The following NEB variants were observed in gnomAD, a reference collection of about 807,000 sequenced individuals.
NEB encodes nemaline myopathy type 2.
Under a neutral mutation model 952.2 loss-of-function variants are expected in NEB, and 512 were observed. That is an observed-to-expected ratio of 0.54 (90% CI 0.50 to 0.58). The LOEUF (loss-of-function observed/expected upper bound fraction) is 0.58, where lower values mean the gene tolerates loss of function less well. Ranked by LOEUF, NEB falls within the 20% of genes least tolerant of loss-of-function variation. The pLI is 0.00. For missense variants in NEB, 8,428 were observed against 9,231.1 expected (o/e 0.91, Z 3.56); for synonymous variants, 2,900 against 3,149.8 (o/e 0.92, Z 2.66).
chr2:151,643,899 C>T lies in NEB; in HGVS notation c.7875G>A (p.Lys2625=), dbSNP rs577894144. 144 of 1,613,992 alleles carry T rather than the reference C, an allele frequency of 8.9e-5. No individual in the cohort carries two copies. The East Asian group carries it at 3.1e-3, about 35-fold the overall frequency. Residue 2625 remains lysine (K), a synonymous_variant, in exon 57 of 182, where the codon AAG becomes AAA. Coordinates refer to ENST00000397345, the MANE Select transcript of NEB (RefSeq NM_001164508.2). ...GGCATGTCCACTGGTGCAGGTAGTT[C>T]TTGTAGTCCACGTCGCTGACTAAGG... The part of the protein sequence containing the change: ...CQTLVSDVDY[K]NYLHQWTCLP...
chr2:151,718,986 A>C (rs2099766918), intron 9 of NEB, among the ~76,000 whole-genome samples: 1 of 152,138 alleles, frequency 6.6e-6, no homozygotes. Flanking sequence ...ATCTGTCTGC[A>C]AACCGCTGTT....
intron 161 of NEB, among the ~76,000 whole-genome samples, chr2:151,509,437 G>T (rs1418087609): frequency 1.3e-5 from 2 of 151,874 alleles, no homozygotes; most frequent in African/African-American, 4.8e-5. Flanking sequence ...ACCTCAACTG[G>T]TTTGCAGAGC....
chr2:151,635,598 C>T (rs957531171), intron 64 of NEB, among the ~76,000 whole-genome samples: 18 of 150,062 alleles, frequency 1.2e-4, no homozygotes, highest in African/African-American at 4.4e-4. Flanking sequence ...CCCAGCTACT[C>T]GGGAGGCTGA....
At chr2:151,726,106 A>C (rs915746660) in intron 5 of NEB, among the ~76,000 whole-genome samples, 2 of 152,188 alleles carry the variant, frequency 1.3e-5, no homozygotes, top group Admixed American at 1.3e-4. Context: ...ATAATTTATC[A>C]TTATAAATGT....
intron 135 of NEB, among the ~76,000 whole-genome samples, chr2:151,543,128 G>T (rs1042996354): frequency 4.6e-5 from 7 of 152,162 alleles, no homozygotes; most frequent in Non-Finnish European, 8.8e-5. Flanking sequence ...GGGCACAGCA[G>T]TTCAGTGGTA....
chr2:151,655,293 G>T lies in NEB; in HGVS notation c.6784C>A (p.Gln2262Lys). 1.3e-6 allele frequency: 2 copies of T among 1,587,978 alleles called. No homozygotes were observed. Among genetic ancestry groups the T allele is most frequent in the East Asian group, 2.2e-5 (1 of 44,518 alleles). ...ACCTGACTATACAGTGTTTGATTCTGCTTGGCTTGTAAAATATCTGGTGTA... is the reference window on the plus strand; with the variant it reads ...ACCTGACTATACAGTGTTTGATTCTTCTTGGCTTGTAAAATATCTGGTGTA... ...PDTPDILQAK[Q>K]NQTLYSQKLY... is the part of the protein sequence containing the mutation. Residue 2262 changes from glutamine (Q) to lysine (K), a missense_variant, in exon 51 of 182, where the codon CAG becomes AAG. Around this residue, in one of 11 missense-constraint regions of NEB, gnomAD observed 2,851 missense variants for 2,791.5 expected, o/e 1.02. Coordinates refer to ENST00000397345, the MANE Select transcript of NEB (RefSeq NM_001164508.2).
At position 151,663,690 on chromosome 2, in the gene NEB, T is replaced by C; in HGVS notation, c.5621A>G (p.Asp1874Gly). ...KSKTSFHTPV[D>G]MLSVVAAKKS... ...CTTGGCTGCCACCACACTGAGCATG[T>C]CCACCGGGGTGTGGAAGGAGGTCTT... Residue 1874 changes from aspartate (D) to glycine (G), a missense_variant, in exon 45 of 182, where the codon GAC becomes GGC. Physicochemically the swap from Asp to Gly is moderately conservative, Grantham distance 94. Transcript: ENST00000397345. The C allele has an allele frequency of 6.2e-7, 1 of 1,613,808 alleles. No homozygotes were observed. Among genetic ancestry groups the C allele is most frequent in the Non-Finnish European group, 8.5e-7 (1 of 1,179,804 alleles).
In NEB at chr2:151,527,476, C is replaced by T. The variant is rs1439955510; in HGVS notation, c.21840+5G>A. The T allele has an allele frequency of 6.2e-7, 1 of 1,608,122 alleles. No homozygotes were observed. The highest frequency in any genetic ancestry group is 1.7e-5 in the Admixed American group (1 of 59,600). ...TTACAATCGTCTGTGTCTCTCCTGT[C>T]TTACATCGCTTTGCTGCAGGGATGA... On this transcript the variant is annotated splice_donor_5th_base_variant and intron_variant, in intron 147 of 181. Coordinates refer to ENST00000397345, the MANE Select transcript of NEB (RefSeq NM_001164508.2).
rs557951728 is a variant in NEB at position 151,498,281 on chromosome 2, G to T, written c.24186C>A (p.His8062Gln). ...ATACCGAGCTAAGGTTTTCTTGATT[G>T]TGTTTGACTCTCTGCATCTCAGGAG... ...PITPEMQRVK[H>Q]NQENLSSVLY... The change falls in exon 170 of 182, where the codon CAC (histidine) becomes CAA (glutamine). Residue 8062 changes from histidine to glutamine, a missense_variant. Physicochemically the swap from His to Gln is conservative, Grantham distance 24. Transcript: ENST00000397345. 1.4e-5 allele frequency: 22 copies of T among 1,551,428 alleles called. No individual in the cohort carries two copies. The African/African-American group carries it at 2.6e-4, about 18-fold the overall frequency.
intron 5 of NEB, 117 bp downstream of exon 5, chr2:151,727,574 G>A: frequency 9.8e-7 from 1 of 1,023,868 alleles, no homozygotes. Flanking sequence ...TGCAAAATAA[G>A]TTTTTGTTTC....
intron 153 of NEB, among the ~76,000 whole-genome samples, 156 bp downstream of exon 153, chr2:151,524,155 A>T (rs1219294079): frequency 6.6e-6 from 1 of 152,240 alleles, no homozygotes; most frequent in Non-Finnish European, 1.5e-5. Flanking sequence ...GAAACGAGAA[A>T]AGGCCCTCAG....
chr2:151,528,996 GGGA>G (rs1389176188), intron 146 of NEB, among the ~76,000 whole-genome samples: 8 of 152,182 alleles, frequency 5.3e-5, no homozygotes, highest in Admixed American at 6.5e-5. Flanking sequence ...TCCATGGCAT[GGGA>G]TGAAGCTTCC....
rs377226592 is a variant in NEB at position 151,524,247 on chromosome 2, T to A, written c.22479+64A>T. On this transcript the variant is annotated intron_variant, in intron 153 of 181. Coordinates refer to ENST00000397345, the MANE Select transcript of NEB (RefSeq NM_001164508.2). The stretch of plus-strand genomic sequence containing the variant: ...TTGCATTTTCAATCTGGAAATCACT[T>A]CTTCCTGCAAGGTCTTTTATAATCT... 29 of 1,364,864 alleles carry A rather than the reference T, an allele frequency of 2.1e-5. No homozygotes were observed. The East Asian group carries it at 6.4e-4, about 30-fold the overall frequency. The allele number at this position is 1,364,864 out of a possible 1,614,324, so 84.5% of individuals were successfully genotyped here.
In NEB at chr2:151,664,544, A is replaced by G. The variant is rs1215971133; in HGVS notation, c.5408T>C (p.Ile1803Thr). 6.2e-7 allele frequency: 1 copy of G among 1,607,786 alleles called. No homozygotes were observed. The change falls in exon 44 of 182, where the codon ATT (isoleucine) becomes ACT (threonine). Residue 1803 changes from isoleucine (I) to threonine (T), a missense_variant. Ile to Thr is a moderately conservative substitution (Grantham distance 89). Around this residue, in one of 11 missense-constraint regions of NEB, gnomAD observed 2,851 missense variants for 2,791.5 expected, o/e 1.02. Coordinates refer to ENST00000397345, the MANE Select transcript of NEB (RefSeq NM_001164508.2). Reference sequence around the variant, plus strand: ...AGAGGCTCTTGCAGCCTTTATTGCAATGGCATCAGGCCTCAGGTCATATCC... The same window carrying G: ...AGAGGCTCTTGCAGCCTTTATTGCAGTGGCATCAGGCCTCAGGTCATATCC... ...KKGYDLRPDA[I>T]AIKAARASRD...
At position 151,491,788 on chromosome 2, in the gene NEB, C is replaced by G; in HGVS notation, c.25058-13G>C. 1 of 1,563,334 alleles carries G rather than the reference C, an allele frequency of 6.4e-7. No homozygotes were observed. The highest frequency in any genetic ancestry group is 8.7e-7 in the Non-Finnish European group (1 of 1,149,590). ...CAGACACGTAAACCTGAAAGGGAAA[C>G]CAGTGATCAGAACAAGTGTTCTTGG... is the stretch of plus-strand genomic sequence containing the variant. On this transcript the variant is annotated splice_polypyrimidine_tract_variant and intron_variant, in intron 178 of 181. Transcript: ENST00000397345.
intron 151 of NEB, 48 bp downstream of exon 151, chr2:151,525,115 T>C: frequency 7.7e-7 from 1 of 1,298,894 alleles, no homozygotes; most frequent in Non-Finnish European, 1.1e-6. Flanking sequence ...CAATCTGGGT[T>C]CCACTGCTTC....
chr2:151,696,787 G>T (rs750959127), intron 16 of NEB, 52 bp from the exon 17 acceptor site: 2 of 1,408,778 alleles, frequency 1.4e-6, no homozygotes, highest in Non-Finnish European at 1.0e-6. Context: ...TCAGATCCAA[G>T]GTGGCCCACA....
chr2:151,688,410 G>T lies in NEB; in HGVS notation c.2311-14C>A. On this transcript the variant is annotated splice_polypyrimidine_tract_variant and intron_variant, in intron 24 of 181. Transcript: ENST00000397345. ...TTTGTAATTCAGCTGAAAAACAAAG[G>T]ATATTTGAACGGTTCAGGGGAACTT... 1 of 1,598,362 alleles carries T rather than the reference G, an allele frequency of 6.3e-7. No homozygotes were observed. The highest frequency in any genetic ancestry group is 1.1e-5 in the South Asian group (1 of 90,512).
At chr2:151,512,179 T>C (rs2075005478) in intron 161 of NEB, among the ~76,000 whole-genome samples, 2 of 151,916 alleles carry the variant, frequency 1.3e-5, no homozygotes, top group African/African-American at 4.8e-5. Context: ...TACAGGTGCC[T>C]GCCACCACGC....
Sources: gnomAD v4.1 joint callset for allele counts (sites outside exome capture counted in the v4.1 genomes callset) on GRCh38, gnomAD v4.1.1 for gene constraint, gnomAD v4.1.1 regional missense constraint, MANE v1.5 for transcripts, NCBI Gene and HGNC (gene_info 2026-07-23, HGNC 2026-07-21) for gene names.